Variants in SLC26A5 observed in about 807,000 individuals in gnomAD.
SLC26A5 encodes the protein prestin.
Under a neutral mutation model 81.0 loss-of-function variants are expected in SLC26A5, and 51 were observed. The ratio of observed to expected loss-of-function variants is 0.63; its 90% CI spans 0.50 to 0.80. The LOEUF is 0.80. Ranked by LOEUF, SLC26A5 falls within the 30% of genes least tolerant of loss-of-function variation. The pLI is 0.00. For synonymous variants in SLC26A5, 325 were observed against 332.8 expected, an observed-to-expected ratio of 0.98 and a Z score of 0.25; for missense variants, 771 against 905.8, an observed-to-expected ratio of 0.85 and a Z score of 1.91.
At chr7:103,361,958 TG>T (rs1388916766) in intron 19 of SLC26A5, 1 of 1,608,644 alleles carries the variant, frequency 6.2e-7, no homozygotes, top group Admixed American at 1.7e-5. Flanking sequence ...CTGTGTTAGG[TG>T]TACAAAGATA....
intron 2 of SLC26A5, among the ~76,000 whole-genome samples, chr7:103,439,437 C>T (rs947951146): frequency 6.6e-6 from 1 of 152,216 alleles, no homozygotes; most frequent in Non-Finnish European, 1.5e-5. Flanking sequence ...AACTCTTGTC[C>T]ACTGCTCCTT....
intron 5 of SLC26A5, 146 bp from the exon 6 acceptor site, chr7:103,411,732 G>T (rs1304795808): frequency 3.4e-6 from 3 of 891,816 alleles, no homozygotes; most frequent in African/African-American, 3.3e-5. Context: ...TGCCCCTGGT[G>T]TATGAGCAAC....
chr7:103,366,223 A>C (rs533101025), intron 19 of SLC26A5: 6 of 1,360,088 alleles, frequency 4.4e-6, no homozygotes, highest in Admixed American at 1.8e-5. Flanking sequence ...CTGTAAAGTG[A>C]TATGTCGTGA....
At chr7:103,369,912 T>A (rs952352594), downstream of SLC26A5, among the ~76,000 whole-genome samples, 6 of 152,200 alleles carry the variant, frequency 3.9e-5, no homozygotes, top group African/African-American at 1.4e-4. Context: ...TGAAATGCAA[T>A]ACACCAGTAT....
intron 2 of SLC26A5, among the ~76,000 whole-genome samples, chr7:103,440,910 A>C (rs1826826890): frequency 6.6e-6 from 1 of 152,218 alleles, no homozygotes; most frequent in Non-Finnish European, 1.5e-5. Flanking sequence ...GGATTGGCCA[A>C]TGCTGGATTA....
chr7:103,430,425 C>T (rs888950128), intron 2 of SLC26A5, among the ~76,000 whole-genome samples: 2 of 152,254 alleles, frequency 1.3e-5, no homozygotes. Context: ...GATATACAAG[C>T]TTTCTGTACC....
intron 17 of SLC26A5, 43 bp from the exon 18 acceptor site, chr7:103,377,842 C>G: frequency 6.4e-7 from 1 of 1,570,870 alleles, no homozygotes; most frequent in South Asian, 1.1e-5. Context: ...ATGAACAACT[C>G]ACATTTCTGG....
rs146527748 is a variant in SLC26A5, at chr7:103,437,761, A to C, written c.-54+5322T>G. On this transcript the variant is annotated intron_variant, in intron 2 of 19. Transcript: ENST00000306312. ...AGAAATAGAGAGTAGAATGGTGTTG[A>C]CCAGAGGCTAGGTCATGGGTGGGAG... is the stretch of plus-strand genomic sequence containing the variant. Among the ~76,000 whole-genome samples, 47 of 152,276 alleles carry C rather than the reference A, an allele frequency of 3.1e-4. No homozygotes were observed. The East Asian group carries it at 6.0e-3, about 19-fold the overall frequency.
intron 18 of SLC26A5, among the ~76,000 whole-genome samples, 171 bp from the exon 19 acceptor site, chr7:103,377,033 CTT>C (rs933600942): frequency 6.6e-6 from 1 of 152,112 alleles, no homozygotes; most frequent in Non-Finnish European, 1.5e-5. Flanking sequence ...TTTTGTATCT[CTT>C]TTGCTTTTTA....
intron 9 of SLC26A5, among the ~76,000 whole-genome samples, chr7:103,394,361 G>C (rs572689122): frequency 4.6e-5 from 7 of 152,306 alleles, no homozygotes; most frequent in Non-Finnish European, 1.0e-4. Flanking sequence ...CTAAACTGTA[G>C]CAGGGAGTCA....
At chr7:103,436,064 GGTTAT>G (rs1204454430) in intron 2 of SLC26A5, among the ~76,000 whole-genome samples, 1 of 152,002 alleles carries the variant, frequency 6.6e-6, no homozygotes, top group Non-Finnish European at 1.5e-5. Flanking sequence ...GGTAAACAGA[GGTTAT>G]GTTTGATGGT....
intron 4 of SLC26A5, among the ~76,000 whole-genome samples, chr7:103,418,805 TG>T (rs1295520120): frequency 6.6e-6 from 1 of 152,164 alleles, no homozygotes; most frequent in Non-Finnish European, 1.5e-5. Flanking sequence ...CACCTCTACC[TG>T]GTCTCCTCAC....
rs541274602 is a variant in SLC26A5, at chr7:103,379,042, G to C, written c.1677+201C>G. 2.6e-5 allele frequency among the ~76,000 whole-genome samples: 4 copies of C among 152,252 alleles called. No individual in the cohort carries two copies. In the South Asian group the frequency reaches 8.3e-4, roughly 32 times the overall value. ...ATGGTGATGGCTGCACAATGTTTAT[G>C]TACTTAATGCGACCCACTGGACTGT... is the stretch of plus-strand genomic sequence containing the variant. On this transcript the variant is annotated intron_variant, in intron 16 of 19. Coordinates refer to ENST00000306312, the MANE Select transcript of SLC26A5 (RefSeq NM_198999.3).
intron 2 of SLC26A5, among the ~76,000 whole-genome samples, chr7:103,436,485 T>G (rs1173999538): frequency 1.3e-5 from 2 of 152,190 alleles, no homozygotes; most frequent in African/African-American, 4.8e-5. Flanking sequence ...TCCCCACTGA[T>G]AGTTGAAACC....
chr7:103,394,033 A>G (rs1822888052), intron 9 of SLC26A5, among the ~76,000 whole-genome samples: 2 of 152,228 alleles, frequency 1.3e-5, no homozygotes, highest in Admixed American at 6.5e-5. Context: ...AAAATGAGGT[A>G]TAGCAAGGTT....
chr7:103,432,793 G>T (rs550201750), intron 2 of SLC26A5, among the ~76,000 whole-genome samples: 3 of 152,146 alleles, frequency 2.0e-5, no homozygotes, highest in Admixed American at 6.5e-5. Flanking sequence ...TTCTGTGGAT[G>T]TTCCATGTAC....
At chr7:103,360,190 A>G (rs1365420750) in intron 19 of SLC26A5, among the ~76,000 whole-genome samples, 1 of 152,168 alleles carries the variant, frequency 6.6e-6, no homozygotes, top group Non-Finnish European at 1.5e-5. Context: ...GTCATACATA[A>G]GGGAAAATGC....
At chr7:103,397,446 GA>G (rs375096587) in intron 9 of SLC26A5, among the ~76,000 whole-genome samples, 2,645 of 150,128 alleles carry the variant, frequency 0.018, 87 homozygotes, top group African/African-American at 0.061. Flanking sequence ...GAGGCTGAGG[GA>G]GGAGAATGGC....
chr7:103,425,247 T>A (rs1825632996), intron 2 of SLC26A5, among the ~76,000 whole-genome samples: 1 of 152,214 alleles, frequency 6.6e-6, no homozygotes, highest in African/African-American at 2.4e-5. Flanking sequence ...GGACATGCAG[T>A]TGATCAGCTA....
Sources: gnomAD v4.1 joint callset for allele counts (sites outside exome capture counted in the v4.1 genomes callset) on GRCh38, gnomAD v4.1.1 for gene constraint, MANE v1.5 for transcripts, NCBI Gene and HGNC (gene_info 2026-07-23, HGNC 2026-07-21) for gene names.